SPMIP2: variants seen among roughly 807,000 people sequenced by gnomAD.
The protein encoded by SPMIP2 is protein SPMIP2.
chr4:159,065,055 G>A, the SPMIP2 span, among the ~76,000 whole-genome samples: 1 of 152,266 alleles, frequency 6.6e-6, no homozygotes, highest in East Asian at 1.9e-4. Flanking sequence ...ATTTGGTCAG[G>A]GGACCTTTTA....
chr4:159,073,615 C>T, the SPMIP2 span, among the ~76,000 whole-genome samples: 1 of 152,176 alleles, frequency 6.6e-6, no homozygotes, highest in Non-Finnish European at 1.5e-5. Context: ...CCTCTCTGTC[C>T]ACCCTGCTGC....
At chr4:158,921,935 TG>T in the SPMIP2 span, among the ~76,000 whole-genome samples, 1 of 146,744 alleles carries the variant, frequency 6.8e-6, no homozygotes, top group Non-Finnish European at 1.5e-5. Context: ...TCACCCTGGC[TG>T]GAGTGCAGTG....
chr4:158,938,289 C>T, the SPMIP2 span, among the ~76,000 whole-genome samples: 3 of 152,096 alleles, frequency 2.0e-5, no homozygotes, highest in African/African-American at 7.2e-5. Flanking sequence ...AAAGTGTAAA[C>T]ATATTTATTT....
chr4:158,898,181 T>C, the SPMIP2 span, among the ~76,000 whole-genome samples: 1 of 152,204 alleles, frequency 6.6e-6, no homozygotes, highest in Non-Finnish European at 1.5e-5. Flanking sequence ...GCCTCAGTTC[T>C]GTTCCATTGG....
chr4:159,024,832 A>G, the SPMIP2 span, among the ~76,000 whole-genome samples: 1 of 152,202 alleles, frequency 6.6e-6, no homozygotes, highest in African/African-American at 2.4e-5. Context: ...AGCATCACAA[A>G]TAACTTCATC....
chr4:158,908,586 T>C, the SPMIP2 span, among the ~76,000 whole-genome samples: 67 of 152,340 alleles, frequency 4.4e-4, no homozygotes, highest in South Asian at 0.014. Context: ...CATAGTTTGG[T>C]AGCTATGGTA....
chr4:159,065,543 C>T, the SPMIP2 span, among the ~76,000 whole-genome samples: 8 of 152,134 alleles, frequency 5.3e-5, no homozygotes, highest in East Asian at 1.9e-4. Flanking sequence ...CATGGCGAAA[C>T]CCTCTCTCTA....
the SPMIP2 span, among the ~76,000 whole-genome samples, chr4:159,073,963 T>A: frequency 6.6e-6 from 1 of 151,916 alleles, no homozygotes; most frequent in Admixed American, 6.6e-5. Context: ...CAAGATCACA[T>A]CACTGCACTC....
the SPMIP2 span, among the ~76,000 whole-genome samples, chr4:158,912,617 A>T: frequency 2.0e-5 from 3 of 152,218 alleles, no homozygotes; most frequent in African/African-American, 7.2e-5. Context: ...CACATGTGGT[A>T]TTCATTATTT....
chr4:159,037,781 TATATACACACACACACACAC>T, the SPMIP2 span, among the ~76,000 whole-genome samples: 1 of 118,010 alleles, frequency 8.5e-6, no homozygotes, highest in African/African-American at 3.5e-5. Context: ...TCAAAAACAA[TATATACACACACACACACAC>T]ACACACACAC....
the SPMIP2 span, among the ~76,000 whole-genome samples, chr4:158,926,393 T>C: frequency 6.6e-6 from 1 of 152,188 alleles, no homozygotes; most frequent in African/African-American, 2.4e-5. Context: ...TGTGTTTGTT[T>C]ATCTCAAAAT....
At chr4:158,983,309 A>G in the SPMIP2 span, among the ~76,000 whole-genome samples, 2 of 151,840 alleles carry the variant, frequency 1.3e-5, no homozygotes, top group African/African-American at 4.8e-5. Context: ...AAATACAGAG[A>G]ACGCCACAGA....
At chr4:158,937,524 GTTCTAC>G in the SPMIP2 span, 1 of 154,344 alleles carries the variant, frequency 6.5e-6, no homozygotes. Flanking sequence ...GAAAATCGAG[GTTCTAC>G]TTCTGAGTGG....
At chr4:158,999,059 G>A in the SPMIP2 span, among the ~76,000 whole-genome samples, 1 of 151,962 alleles carries the variant, frequency 6.6e-6, no homozygotes. Flanking sequence ...AGCTACTTGA[G>A]AGGTTGAGGC....
the SPMIP2 span, among the ~76,000 whole-genome samples, chr4:159,006,300 C>T: frequency 8.5e-5 from 13 of 152,098 alleles, no homozygotes; most frequent in African/African-American, 2.9e-4. Context: ...CAGACAGAAG[C>T]AGTATAGAAG....
At chr4:158,977,600 C>CT in the SPMIP2 span, among the ~76,000 whole-genome samples, 1,708 of 72,304 alleles carry the variant, frequency 0.024, 305 homozygotes, top group African/African-American at 0.094. Context: ...TCCTTCAGTT[C>CT]TTTTTTTTTT....
At chr4:159,035,137 C>T in the SPMIP2 span, 1 of 1,541,880 alleles carries the variant, frequency 6.5e-7, no homozygotes, top group Non-Finnish European at 8.9e-7. Flanking sequence ...TCTTCTTCGG[C>T]TTCTTCAAAT....
At chr4:159,065,472 C>A in the SPMIP2 span, among the ~76,000 whole-genome samples, 5 of 152,138 alleles carry the variant, frequency 3.3e-5, no homozygotes, top group African/African-American at 9.7e-5. Flanking sequence ...AATCCCAGCA[C>A]TTTGGGAGGC....
the SPMIP2 span, among the ~76,000 whole-genome samples, chr4:158,975,093 CAT>C: frequency 6.6e-6 from 1 of 152,196 alleles, no homozygotes; most frequent in Non-Finnish European, 1.5e-5. Context: ...TTGTTGGTCA[CAT>C]ATATGTCTTC....
Sources: gnomAD v4.1 joint callset for allele counts (sites outside exome capture counted in the v4.1 genomes callset) on GRCh38, gnomAD v4.1.1 for gene constraint, MANE v1.5 for transcripts, NCBI Gene and HGNC (gene_info 2026-07-23, HGNC 2026-07-21) for gene names.